TIMM50: variants seen among roughly 807,000 people sequenced by gnomAD.
TIMM50 encodes translocase of inner mitochondrial membrane 50.
Under a neutral mutation model 49.6 loss-of-function variants are expected in TIMM50, and 34 were observed. The ratio of observed to expected loss-of-function variants is 0.69; its 90% confidence interval spans 0.52 to 0.91. The LOEUF (loss-of-function observed/expected upper bound fraction) is 0.91, where lower values mean the gene tolerates loss of function less well. Ranked by LOEUF, TIMM50 falls within the 40% of genes least tolerant of loss-of-function variation. The pLI, the probability that TIMM50 is intolerant of heterozygous loss-of-function variation, is 0.00. For missense variants in TIMM50, 458 were observed against 477.8 expected, an observed-to-expected ratio of 0.96 and a Z score of 0.39; for synonymous variants, 199 against 198.4, an observed-to-expected ratio of 1.00 and a Z score of -0.03.
intron 6 of TIMM50, 22 bp from the exon 7 acceptor site, chr19:39,486,165 A>G (rs781129482): frequency 6.8e-6 from 11 of 1,612,126 alleles, no homozygotes; most frequent in Admixed American, 1.7e-5. Flanking sequence ...TTGGTGTTTC[A>G]CTGTCCTCAC....
At chr19:39,484,988 T>TA (rs1384533717) in intron 4 of TIMM50, 1 of 156,480 alleles carries the variant, frequency 6.4e-6, no homozygotes, top group Non-Finnish European at 1.4e-5. Context: ...GACGGAGTCT[T>TA]ACTCTGTTGC....
Position 39,480,972 on chromosome 19 carries a change from C to T in TIMM50, c.108+11C>T. On this transcript the variant is annotated intron_variant, in intron 1 of 10. Coordinates refer to ENST00000607714, the MANE Select transcript of TIMM50 (RefSeq NM_001001563.5). ...CGGGCCCCAGATCAGGTGAGCGGAACGAGGGTGGCCCTCTGAATGTGGGGT... is the reference window on the plus strand; with the variant it reads ...CGGGCCCCAGATCAGGTGAGCGGAATGAGGGTGGCCCTCTGAATGTGGGGT... 1 of 1,573,948 alleles carries T rather than the reference C, an allele frequency of 6.4e-7. No homozygotes were observed. The highest frequency in any genetic ancestry group is 8.5e-7 in the Non-Finnish European group (1 of 1,170,120).
At chr19:39,489,189 G>C (rs1000103677) in intron 10 of TIMM50, among the ~76,000 whole-genome samples, 1 of 151,976 alleles carries the variant, frequency 6.6e-6, no homozygotes, top group African/African-American at 2.4e-5. Flanking sequence ...TTGGGCCTGG[G>C]GACCCCCCAG....
chr19:39,488,451 G>GCAC, intron 9 of TIMM50, 88 bp from the exon 10 acceptor site: 1 of 1,281,070 alleles, frequency 7.8e-7, no homozygotes, highest in East Asian at 2.3e-5. Context: ...GACTGCCCCC[G>GCAC]TGCCCCAGTG....
intron 10 of TIMM50, 22 bp from the exon 11 acceptor site, chr19:39,489,697 T>TC (rs754780301): frequency 2.9e-5 from 46 of 1,587,318 alleles, no homozygotes; most frequent in Non-Finnish European, 3.7e-5. Context: ...GACCCTCTCC[T>TC]CCAACTGTCC....
At chr19:39,482,701 C>T in intron 2 of TIMM50, among the ~76,000 whole-genome samples, 184 bp from the exon 3 acceptor site, 1 of 152,034 alleles carries the variant, frequency 6.6e-6, no homozygotes, top group East Asian at 1.9e-4. Flanking sequence ...AAGACCTAGC[C>T]CCAGCCCCAT....
chr19:39,482,650 ACT>A lies in TIMM50; in HGVS notation c.260-232_260-231del, dbSNP rs1455043531. ...ACTCCAGCCTGGGCAACAGAGCGAG[ACT>A]CTGTCTCAAAAAAAAAAAAAAAAAT... On this transcript the variant is annotated intron_variant, in intron 2 of 10. Transcript: ENST00000607714. 2.1e-5 allele frequency among the ~76,000 whole-genome samples: 3 copies of A among 141,810 alleles called. No homozygotes were observed. In the Admixed American group the frequency reaches 2.1e-4, roughly 10 times the overall value. The allele number at this position is 141,810 out of a possible 152,430, so 93.0% of individuals were successfully genotyped here.
chr19:39,483,279 C>G, intron 4 of TIMM50, 123 bp downstream of exon 4: 1 of 1,333,644 alleles, frequency 7.5e-7, no homozygotes, highest in Non-Finnish European at 1.1e-6. Context: ...GTGGGGGAGC[C>G]AGCAGCTGGA....
rs920818429 is a variant in TIMM50 at position 39,491,878 on chromosome 19, G to GTA, written c.*2059_*2060insAT. ...CTTAAGATTTTTTTTTGGAGTCAGGGTCTCGCTGTGTCGCCCAGGCTGGAG... is the reference window on the plus strand; with the variant it reads ...CTTAAGATTTTTTTTTGGAGTCAGGGTATCTCGCTGTGTCGCCCAGGCTGGAG... On this transcript the variant is annotated 3_prime_UTR_variant, in exon 11 of 11. Coordinates refer to ENST00000607714, the MANE Select transcript of TIMM50 (RefSeq NM_001001563.5). 4 of 149,894 alleles carry GTA rather than the reference G, an allele frequency of 2.7e-5. No homozygotes were observed. The highest frequency in any genetic ancestry group is 9.8e-5 in the African/African-American group (4 of 40,662). 9.3% of individuals were successfully genotyped at this position (149,894 alleles called of 1,614,324 possible).
rs914167904 is a variant in TIMM50, at chr19:39,490,845, C to T, written c.*1025C>T. On this transcript the variant is annotated 3_prime_UTR_variant, in exon 11 of 11. Coordinates refer to ENST00000607714, the MANE Select transcript of TIMM50 (RefSeq NM_001001563.5). ...AAGACCAGCCTCAACATGGAGAAAC[C>T]CCATCTCTACTAAAAATACAAAATT... 1 of 151,796 alleles carries T rather than the reference C, an allele frequency of 6.6e-6. No individual in the cohort carries two copies. 9.4% of individuals were successfully genotyped at this position (151,796 alleles called of 1,614,324 possible).
At position 39,492,127 on chromosome 19, in the gene TIMM50, CTGGCT is replaced by C. The variant is rs2079549455; in HGVS notation, c.*2310_*2314del. ...AAATCCAAGCTCTACCACTTCTCGG[CTGGCT>C]TGTGATCCTGTGCAAGTTACTTTAC... On this transcript the variant is annotated 3_prime_UTR_variant, in exon 11 of 11. Coordinates refer to ENST00000607714, the MANE Select transcript of TIMM50 (RefSeq NM_001001563.5). The C allele has an allele frequency of 1.3e-5, 2 of 152,188 alleles. No homozygotes were observed. Among genetic ancestry groups the C allele is most frequent in the Admixed American group, 6.6e-5 (1 of 15,260 alleles). The allele number at this position is 152,188 out of a possible 1,614,324, so 9.4% of individuals were successfully genotyped here. A position where few individuals can be genotyped will look rare whatever the true frequency, so the allele number is the denominator to read the frequency against.
chr19:39,489,276 AG>A (rs1285512766), intron 10 of TIMM50, among the ~76,000 whole-genome samples: 2 of 151,906 alleles, frequency 1.3e-5, no homozygotes, highest in African/African-American at 4.8e-5. Flanking sequence ...CAGTCTGGTG[AG>A]GAGGGCCATG....
intron 4 of TIMM50, among the ~76,000 whole-genome samples, chr19:39,484,297 A>C (rs2079490823): frequency 6.6e-6 from 1 of 152,158 alleles, no homozygotes; most frequent in Non-Finnish European, 1.5e-5. Context: ...CCAGCTACTC[A>C]GGAGGCTGAG....
intron 9 of TIMM50, 130 bp downstream of exon 9, chr19:39,488,347 G>A: frequency 8.3e-7 from 1 of 1,202,480 alleles, no homozygotes; most frequent in African/African-American, 1.5e-5. Context: ...GAGTCTTTAG[G>A]AGCTTCTTAG....
At chr19:39,484,474 C>T (rs1411431112) in intron 4 of TIMM50, among the ~76,000 whole-genome samples, 1 of 151,972 alleles carries the variant, frequency 6.6e-6, no homozygotes, top group Admixed American at 6.6e-5. Flanking sequence ...GGTTTTTCAC[C>T]CTTGGCCCTA....
chr19:39,485,638 C>T lies in TIMM50; in HGVS notation c.372+36C>T, dbSNP rs115056647. 4.3e-3 allele frequency: 6,984 copies of T among 1,614,094 alleles called. 94 individuals carry two copies. Among genetic ancestry groups the T allele is most frequent in the African/African-American group, 0.039 (2,954 of 74,994 alleles). Reference sequence around the variant, plus strand: ...GCCCTGGGCTCAGTCCCCATGTCTCCAGCCCTGGCCTCCTTGTCTGAGCGC... The same window carrying T: ...GCCCTGGGCTCAGTCCCCATGTCTCTAGCCCTGGCCTCCTTGTCTGAGCGC... On this transcript the variant is annotated intron_variant, in intron 5 of 10. Coordinates refer to ENST00000607714, the MANE Select transcript of TIMM50 (RefSeq NM_001001563.5).
intron 4 of TIMM50, among the ~76,000 whole-genome samples, chr19:39,484,543 A>G (rs2079492240): frequency 6.6e-6 from 1 of 152,200 alleles, no homozygotes; most frequent in Non-Finnish European, 1.5e-5. Context: ...GGATTTTTGC[A>G]GCATCCTGGG....
rs1268734738 is a variant in TIMM50, at chr19:39,489,742, G to T, written c.984G>T (p.Glu328Asp). 6.2e-7 allele frequency: 1 copy of T among 1,610,604 alleles called. No homozygotes were observed. The highest frequency in any genetic ancestry group is 1.7e-4 in the Middle Eastern group (1 of 6,054). Residue 328 changes from glutamate (E) to aspartate (D), a missense_variant, in exon 11 of 11, where the codon GAG (glutamate) becomes GAT (aspartate). Transcript: ENST00000607714. ...AGGAGGAGCAGCAGCGCCTGGCCGA[G>T]CTCTCCAAGTCCAACAAGCAGAACC... ...LEQEEQQRLA[E>D]LSKSNKQNLF...
At position 39,491,188 on chromosome 19, in the gene TIMM50, C is replaced by CTTTT. The variant is rs2079542800; in HGVS notation, c.*1368_*1369insTTTT. 1 of 146,950 alleles carries CTTTT rather than the reference C, an allele frequency of 6.8e-6. No individual in the cohort carries two copies. 9.1% of individuals were successfully genotyped at this position (146,950 alleles called of 1,614,324 possible). A position where few individuals can be genotyped will look rare whatever the true frequency, so the allele number is the denominator to read the frequency against. The stretch of plus-strand genomic sequence containing the variant: ...AAACCTTTGTTTTTTTTTTTTGAGA[C>CTTTT]GGAGTTTCGCTCTTATTGCCCAGGC... On this transcript the variant is annotated 3_prime_UTR_variant, in exon 11 of 11. Coordinates refer to ENST00000607714, the MANE Select transcript of TIMM50 (RefSeq NM_001001563.5).
Sources: allele counts gnomAD v4.1 joint callset (sites outside exome capture counted in the v4.1 genomes callset), GRCh38; gene constraint gnomAD v4.1.1; transcripts MANE v1.5; gene names NCBI Gene and HGNC (gene_info 2026-07-23, HGNC 2026-07-21).